The following PITPNM2 variants were observed in gnomAD, a reference collection of about 807,000 sequenced individuals.
The protein encoded by PITPNM2 is phosphatidylinositol transfer protein membrane associated 2, also known as membrane-associated phosphatidylinositol transfer protein 2.
A neutral mutation model predicts 132.2 loss-of-function variants in PITPNM2; 35 were observed. The observed-to-expected ratio is 0.26, with a 90% CI of 0.20 to 0.35. The LOEUF (loss-of-function observed/expected upper bound fraction) is 0.35. PITPNM2 is among the 10% of genes least tolerant of loss of function. PITPNM2 has a pLI of 1.00. For synonymous variants in PITPNM2, 738 were observed against 799.2 expected (o/e 0.92, Z 1.29); for missense variants, 1,332 against 1,912.0 (o/e 0.70, Z 5.66).
chr12:123,035,196 G>A lies in PITPNM2; in HGVS notation c.-95-511C>T, dbSNP rs761538561. Among the ~76,000 whole-genome samples, 5 of 152,306 alleles carry A rather than the reference G, an allele frequency of 3.3e-5. 1 individual carries two copies. The highest frequency in any genetic ancestry group is 6.5e-5 in the Admixed American group (1 of 15,294). On this transcript the variant is annotated intron_variant, in intron 2 of 25. Transcript: ENST00000320201. ...AGGGGGAGACTCTGAGTGATTTAAC[G>A]TTTGGTTTCAGTTCAATCCAATAAG...
At chr12:123,115,688 A>C (rs2042925123) in intron 1 of PITPNM2, among the ~76,000 whole-genome samples, 1 of 152,168 alleles carries the variant, frequency 6.6e-6, no homozygotes, top group African/African-American at 2.4e-5. Context: ...AAAAAGTTAA[A>C]TTTAGCTAAG....
chr12:123,040,733 A>G (rs34580115), intron 2 of PITPNM2, among the ~76,000 whole-genome samples: 30,270 of 152,094 alleles, frequency 0.2, 3,988 homozygotes, highest in Non-Finnish European at 0.3. Context: ...TTTTAAAAAA[A>G]GATCATGTAG....
chr12:123,140,226 C>G (rs1565883231), intron 1 of PITPNM2, among the ~76,000 whole-genome samples: 1 of 152,200 alleles, frequency 6.6e-6, no homozygotes. Context: ...GGTTCCCACA[C>G]TGGGACCACC....
intron 13 of PITPNM2, 86 bp downstream of exon 13, chr12:122,996,372 A>C: frequency 6.5e-7 from 1 of 1,548,144 alleles, no homozygotes; most frequent in East Asian, 2.3e-5. Flanking sequence ...GCCTGGGGCC[A>C]GGTGCAGGAA....
intron 2 of PITPNM2, among the ~76,000 whole-genome samples, chr12:123,041,212 A>C (rs1380365562): frequency 1.3e-5 from 2 of 152,250 alleles, no homozygotes; most frequent in South Asian, 4.1e-4. Context: ...GAGGTGATGC[A>C]CATGAAGTGC....
chr12:122,988,040 G>A (rs1231641962), intron 20 of PITPNM2, 139 bp from the exon 21 acceptor site: 9 of 941,620 alleles, frequency 9.6e-6, no homozygotes, highest in Non-Finnish European at 1.3e-5. Context: ...GATCAGACAC[G>A]ATGACGTGGC....
At position 122,994,900 on chromosome 12, in the gene PITPNM2, G is replaced by C. The variant is rs1224962882; in HGVS notation, c.2134C>G (p.Leu712Val). 2.5e-6 allele frequency: 4 copies of C among 1,612,174 alleles called. No homozygotes were observed. Among genetic ancestry groups the C allele is most frequent in the Non-Finnish European group, 3.4e-6 (4 of 1,179,922 alleles). ...GTGATCTCAAAGTCAAACCTGCCCA[G>C]GGCACCTGTGCCATCCAGCATGGTG... ...SSTMLDGTGA[L>V]GRFDFEITDL... The change falls in exon 15 of 26, where the codon CTG (leucine) becomes GTG (valine). Residue 712 changes from leucine (L) to valine (V), a missense_variant. Coordinates refer to ENST00000320201, the MANE Select transcript of PITPNM2 (RefSeq NM_020845.3). The surrounding 1 kb of genome is among the most constrained non-coding windows in gnomAD (Gnocchi z 5.4).
chr12:123,021,745 G>A, intron 3 of PITPNM2: 1 of 973,076 alleles, frequency 1.0e-6, no homozygotes, highest in Non-Finnish European at 1.2e-6. Context: ...CGGGCTTAGA[G>A]CATAGTTTCT....
chr12:122,990,039 C>G, intron 17 of PITPNM2, 91 bp from the exon 18 acceptor site: 1 of 1,087,138 alleles, frequency 9.2e-7, no homozygotes, highest in Non-Finnish European at 1.2e-6. Flanking sequence ...TGGGACAGTG[C>G]CAGGCCTGGA....
At position 123,083,903 on chromosome 12, in the gene PITPNM2, T is replaced by G. The variant is rs904756189; in HGVS notation, c.-96+26482A>C. 1 of 152,268 alleles carries G rather than the reference T, an allele frequency of 6.6e-6. No individual in the cohort carries two copies. Among genetic ancestry groups the G allele is most frequent in the African/African-American group, 2.4e-5 (1 of 41,468 alleles). 9.4% of individuals were successfully genotyped at this position (152,268 alleles called of 1,614,324 possible). A position where few individuals can be genotyped will look rare whatever the true frequency, so the allele number is the denominator to read the frequency against. On this transcript the variant is annotated intron_variant, in intron 2 of 25. Transcript: ENST00000320201. The surrounding 1 kb of genome is among the most constrained non-coding windows in gnomAD (Gnocchi z 4.5). ...AGCCTCCCTCTCTCTGAAAACTCCT[T>G]CACCCATTTTTCTGAGCTTAACAAG... is the stretch of plus-strand genomic sequence containing the variant.
At position 122,990,658 on chromosome 12, in the gene PITPNM2, G is replaced by C. The variant is rs945516588; in HGVS notation, c.2456C>G (p.Ser819Cys). The C allele has an allele frequency of 4.3e-6, 7 of 1,611,836 alleles. No homozygotes were observed. The highest frequency in any genetic ancestry group is 2.7e-5 in the African/African-American group (2 of 74,946). ...ACTGGCAGGGGCAGTGCCCGGCGAG[G>C]AGGGGGCGCCATGCTCTTGGAAGGC... is the stretch of plus-strand genomic sequence containing the variant. ...NAAFQEHGAP[S>C]SPGTAPASRG... is the part of the protein sequence containing the mutation. The change falls in exon 17 of 26, where the codon TCC becomes TGC. Residue 819 changes from serine to cysteine, a missense_variant. Physicochemically the swap from Ser to Cys is moderately radical, Grantham distance 112 (BLOSUM62 -1). Transcript: ENST00000320201.
chr12:122,997,213 G>T, intron 11 of PITPNM2, 112 bp downstream of exon 11: 1 of 1,489,170 alleles, frequency 6.7e-7, no homozygotes, highest in Admixed American at 1.9e-5. Flanking sequence ...GCTGGCCGGT[G>T]GGTCTGGACA....
At chr12:123,121,274 C>T (rs993764119) in intron 1 of PITPNM2, among the ~76,000 whole-genome samples, 8 of 152,178 alleles carry the variant, frequency 5.3e-5, no homozygotes, top group African/African-American at 9.6e-5. Context: ...TTTACGAGGC[C>T]GAGATAGAAG....
At position 123,013,915 on chromosome 12, in the gene PITPNM2, A is replaced by G; in HGVS notation, c.206T>C (p.Ile69Thr). 1 of 1,614,260 alleles carries G rather than the reference A, an allele frequency of 6.2e-7. No individual in the cohort carries two copies. The highest frequency in any genetic ancestry group is 8.5e-7 in the Non-Finnish European group (1 of 1,180,040). ...THKVYHVGMHIPSWFRSILPK... is the reference protein window; with the variant it reads ...THKVYHVGMHTPSWFRSILPK... ...CAGGATGGAGCGGAACCAGCTGGGA[A>G]TGTGCATGCCCACATGATACACCTT... The change falls in exon 4 of 26, where the codon ATT becomes ACT. Residue 69 changes from isoleucine (I) to threonine (T), a missense_variant. Physicochemically the swap from Ile to Thr is moderately conservative, Grantham distance 89 (BLOSUM62 -1). This residue lies in a region of PITPNM2 where 83 missense variants were observed against 118.7 expected (regional missense o/e 0.70). Transcript: ENST00000320201.
Position 122,986,842 on chromosome 12 carries a change from T to C in PITPNM2, c.3414-13A>G, listed in dbSNP as rs1281481741. The C allele has an allele frequency of 6.3e-6, 10 of 1,595,580 alleles. No individual in the cohort carries two copies. The highest frequency in any genetic ancestry group is 8.5e-6 in the Non-Finnish European group (10 of 1,170,116). ...GTCCTGCCAGTGCCTGGGGGTGAGG[T>C]GTCGTCTCATGGTCACCCCTTCCTC... On this transcript the variant is annotated splice_polypyrimidine_tract_variant and intron_variant, in intron 23 of 25. Transcript: ENST00000320201.
chr12:123,017,710 C>T (rs1023237923), intron 3 of PITPNM2, among the ~76,000 whole-genome samples: 3 of 152,198 alleles, frequency 2.0e-5, no homozygotes, highest in African/African-American at 7.2e-5. Flanking sequence ...ATGCTACATA[C>T]CACAACATGG....
chr12:123,074,896 A>T (rs1416039612), intron 2 of PITPNM2, among the ~76,000 whole-genome samples: 1 of 152,220 alleles, frequency 6.6e-6, no homozygotes, highest in Non-Finnish European at 1.5e-5. Context: ...CTCAGGTGAG[A>T]CACTGAGCTG....
rs909111391 is a variant in PITPNM2 at position 123,097,333 on chromosome 12, G to A, written c.-96+13052C>T. Among the ~76,000 whole-genome samples, 5 of 152,286 alleles carry A rather than the reference G, an allele frequency of 3.3e-5. No individual in the cohort carries two copies. The highest frequency in any genetic ancestry group is 7.2e-5 in the African/African-American group (3 of 41,556). On this transcript the variant is annotated intron_variant, in intron 2 of 25. Transcript: ENST00000320201. The surrounding 1 kb of genome is among the most constrained non-coding windows in gnomAD (Gnocchi z 4.7). Reference sequence around the variant, plus strand: ...GCTGGGATTACAGGCATGAGCCACCGCGCCCGGCCTGCCATCTCCCTTTTA... The same window carrying A: ...GCTGGGATTACAGGCATGAGCCACCACGCCCGGCCTGCCATCTCCCTTTTA...
At chr12:123,135,269 T>A (rs978948229) in intron 1 of PITPNM2, among the ~76,000 whole-genome samples, 2 of 152,200 alleles carry the variant, frequency 1.3e-5, no homozygotes, top group Middle Eastern at 3.4e-3. Flanking sequence ...TCCATTTTTT[T>A]AAAAAAGCAA....
Sources: gnomAD v4.1 joint callset for allele counts (sites outside exome capture counted in the v4.1 genomes callset) on GRCh38, gnomAD v4.1.1 for gene constraint, gnomAD v4.1.1 regional missense constraint, Gnocchi (gnomAD v3.1) non-coding constraint, MANE v1.5 for transcripts, NCBI Gene and HGNC (gene_info 2026-07-23, HGNC 2026-07-21) for gene names.